Variants in LIN7A observed in about 807,000 individuals in gnomAD.
The protein encoded by LIN7A is protein lin-7 homolog A.
In LIN7A, 25 loss-of-function variants were observed where a neutral mutation model predicts 29.8. That is an observed-to-expected ratio of 0.84 (90% CI 0.61 to 1.17). The LOEUF is 1.17. Ranked by LOEUF, LIN7A falls within the 50% of genes most tolerant of loss-of-function variation. LIN7A has a pLI of 0.00. For missense variants in LIN7A, 239 were observed against 287.0 expected (o/e 0.83, Z 1.21); for synonymous variants, 118 against 107.5 (o/e 1.10, Z -0.60).
intron 5 of LIN7A, among the ~76,000 whole-genome samples, chr12:80,802,793 A>G (rs1870784717): frequency 6.6e-6 from 1 of 151,356 alleles, no homozygotes; most frequent in Admixed American, 6.6e-5. Context: ...GGTGCTTGCT[A>G]CCACATCTGG....
chr12:80,886,440 C>T (rs931088940), intron 2 of LIN7A, among the ~76,000 whole-genome samples: 4 of 151,872 alleles, frequency 2.6e-5, no homozygotes, highest in South Asian at 2.1e-4. Flanking sequence ...TTATATATTG[C>T]TACTATTATT....
chr12:80,802,932 G>T (rs1287111555), intron 5 of LIN7A, among the ~76,000 whole-genome samples: 1 of 152,074 alleles, frequency 6.6e-6, no homozygotes, highest in Non-Finnish European at 1.5e-5. Flanking sequence ...TATACCTTAG[G>T]CTTCTTTTGA....
intron 2 of LIN7A, among the ~76,000 whole-genome samples, chr12:80,859,644 T>C (rs1873767415): frequency 6.6e-6 from 1 of 152,062 alleles, no homozygotes; most frequent in Non-Finnish European, 1.5e-5. Flanking sequence ...AAAAATTAAA[T>C]AACTCACATA....
intron 4 of LIN7A, among the ~76,000 whole-genome samples, chr12:80,845,390 T>C (rs1307248364): frequency 6.6e-6 from 1 of 152,194 alleles, no homozygotes; most frequent in Non-Finnish European, 1.5e-5. Flanking sequence ...TTAAAATGTA[T>C]GTATTTGCTT....
Position 80,907,063 on chromosome 12 carries a change from G to C in LIN7A, c.83-17694C>G, listed in dbSNP as rs1325236244. 5.5e-5 allele frequency among the ~76,000 whole-genome samples: 8 copies of C among 145,414 alleles called. No homozygotes were observed. In the East Asian group the frequency reaches 1.2e-3, roughly 21 times the overall value. On this transcript the variant is annotated intron_variant, in intron 1 of 5. Transcript: ENST00000552864. The stretch of plus-strand genomic sequence containing the variant: ...ACCTCAGAGTGCGTGCTCTGTGTGT[G>C]TGTGTGTGTGTGTGTGTGTGTGTGT...
intron 5 of LIN7A, among the ~76,000 whole-genome samples, chr12:80,807,076 T>TTTTTTTTTTTTTG (rs1555221359): frequency 7.9e-6 from 1 of 126,042 alleles, no homozygotes; most frequent in African/African-American, 3.3e-5. Flanking sequence ...TTTTTTTTTT[T>TTTTTTTTTTTTTG]TTTTTTTTTT....
At chr12:80,843,900 T>C (rs1872938543) in intron 4 of LIN7A, among the ~76,000 whole-genome samples, 1 of 152,078 alleles carries the variant, frequency 6.6e-6, no homozygotes, top group South Asian at 2.1e-4. Flanking sequence ...GTGTGTTCCC[T>C]GCAAATGTTT....
At chr12:80,932,081 C>A (rs937089230) in intron 1 of LIN7A, among the ~76,000 whole-genome samples, 2 of 152,130 alleles carry the variant, frequency 1.3e-5, no homozygotes, top group African/African-American at 4.8e-5. Flanking sequence ...TTTATAAAAA[C>A]CAGTGAATAA....
Position 80,881,249 on chromosome 12 carries a change from C to T in LIN7A, c.201+8002G>A, listed in dbSNP as rs75960641. Among the ~76,000 whole-genome samples the T allele has an allele frequency of 6.6e-5, 10 of 152,276 alleles. No homozygotes were observed. In the East Asian group the frequency reaches 1.9e-3, roughly 29 times the overall value. On this transcript the variant is annotated intron_variant, in intron 2 of 5. Transcript: ENST00000552864. ...CCTATCATTGGCAGGAAACTTATCA[C>T]ACAAGAAACAGTCTGGCTTTTGTGT...
chr12:80,892,933 G>A (rs1875702228), intron 1 of LIN7A, among the ~76,000 whole-genome samples: 2 of 152,242 alleles, frequency 1.3e-5, no homozygotes, highest in African/African-American at 2.4e-5. Context: ...ACACGAATGT[G>A]TTTAAGAATC....
intron 1 of LIN7A, among the ~76,000 whole-genome samples, chr12:80,894,682 ACTCAT>A (rs1353158323): frequency 1.3e-5 from 2 of 152,098 alleles, no homozygotes; most frequent in Non-Finnish European, 2.9e-5. Context: ...GTTTTTTAGT[ACTCAT>A]CTCAGATGAT....
intron 4 of LIN7A, among the ~76,000 whole-genome samples, chr12:80,836,348 G>C (rs1003095377): frequency 6.6e-6 from 1 of 152,124 alleles, no homozygotes; most frequent in Non-Finnish European, 1.5e-5. Context: ...CTTCAAAGAG[G>C]CCATTTCTAA....
intron 2 of LIN7A, among the ~76,000 whole-genome samples, chr12:80,874,986 G>A (rs918054914): frequency 6.6e-6 from 1 of 152,152 alleles, no homozygotes; most frequent in Admixed American, 6.5e-5. Flanking sequence ...GGGTGACAGA[G>A]CGAGATTCTG....
chr12:80,870,990 T>C (rs1045969449), intron 2 of LIN7A, among the ~76,000 whole-genome samples: 1 of 152,222 alleles, frequency 6.6e-6, no homozygotes, highest in Admixed American at 6.5e-5. Flanking sequence ...TGCAAAATTC[T>C]GCTGTAAATG....
intron 1 of LIN7A, among the ~76,000 whole-genome samples, chr12:80,912,805 G>A (rs1455911560): frequency 6.6e-6 from 1 of 151,810 alleles, no homozygotes; most frequent in Non-Finnish European, 1.5e-5. Flanking sequence ...GATCTTAAAG[G>A]TTACCCACGC....
intron 4 of LIN7A, among the ~76,000 whole-genome samples, chr12:80,830,285 T>A (rs1021839762): frequency 6.6e-6 from 1 of 152,192 alleles, no homozygotes; most frequent in Non-Finnish European, 1.5e-5. Context: ...ATTTAAACAC[T>A]AAAATAGAAA....
chr12:80,800,016 A>G (rs79636255), intron 5 of LIN7A, among the ~76,000 whole-genome samples: 1 of 152,110 alleles, frequency 6.6e-6, no homozygotes, highest in Non-Finnish European at 1.5e-5. Context: ...GATAAAATCA[A>G]TAAACTTCTA....
At chr12:80,880,238 C>T (rs1276667837) in intron 2 of LIN7A, among the ~76,000 whole-genome samples, 1 of 152,122 alleles carries the variant, frequency 6.6e-6, no homozygotes, top group Non-Finnish European at 1.5e-5. Context: ...ACCAGAAAAT[C>T]TGAAATTGAA....
rs1036465114 is a variant in LIN7A, at chr12:80,795,318, G to T, written c.*2409C>A. ...CAACAAGATTTTACTGAAGGAAAAT[G>T]GTCATTTGTATATGAGACCACTCTG... On this transcript the variant is annotated 3_prime_UTR_variant, in exon 6 of 6. Transcript: ENST00000552864. 4 of 151,874 alleles carry T rather than the reference G, an allele frequency of 2.6e-5. No homozygotes were observed. The highest frequency in any genetic ancestry group is 9.7e-5 in the African/African-American group (4 of 41,376). The allele number at this position is 151,874 out of a possible 1,614,324, so 9.4% of individuals were successfully genotyped here.
Sources: gnomAD v4.1 joint callset for allele counts (sites outside exome capture counted in the v4.1 genomes callset) on GRCh38, gnomAD v4.1.1 for gene constraint, MANE v1.5 for transcripts, NCBI Gene and HGNC (gene_info 2026-07-23, HGNC 2026-07-21) for gene names.